SORCS3: variants seen among roughly 807,000 people sequenced by gnomAD.
SORCS3 encodes VPS10 domain-containing receptor SorCS3.
A neutral mutation model predicts 146.3 loss-of-function variants in SORCS3; 57 were observed. That is an observed-to-expected ratio of 0.39 (90% CI 0.31 to 0.49). The LOEUF is 0.49. Among genes scored for constraint, SORCS3 ranks in the 20% least tolerant of loss-of-function variants. The pLI, the probability that SORCS3 is intolerant of heterozygous loss-of-function variation, is 0.92. For synonymous variants in SORCS3, 653 were observed against 618.5 expected (o/e 1.06, Z -0.83); for missense variants, 1,341 against 1,575.5 (o/e 0.85, Z 2.52).
At chr10:105,035,728 A>G (rs954552091) in intron 4 of SORCS3, among the ~76,000 whole-genome samples, 1 of 152,142 alleles carries the variant, frequency 6.6e-6, no homozygotes, top group African/African-American at 2.4e-5. Context: ...GGTCTCCCAA[A>G]GTGTTGGGAT....
chr10:104,877,629 A>G (rs996252089), intron 2 of SORCS3, among the ~76,000 whole-genome samples: 7 of 152,194 alleles, frequency 4.6e-5, no homozygotes, highest in African/African-American at 1.4e-4. Flanking sequence ...AAATAAGGAA[A>G]GATGTATACA....
chr10:104,715,515 G>A (rs910879023), intron 1 of SORCS3, among the ~76,000 whole-genome samples: 4 of 152,084 alleles, frequency 2.6e-5, no homozygotes, highest in African/African-American at 9.7e-5. Flanking sequence ...CTCCATAATT[G>A]CGTGAGCCAA....
At chr10:105,185,438 C>A (rs1463243656) in intron 14 of SORCS3, among the ~76,000 whole-genome samples, 2 of 152,266 alleles carry the variant, frequency 1.3e-5, no homozygotes, top group Admixed American at 6.5e-5. Context: ...GCTGTTTCTG[C>A]CCCACCCCTC....
intron 5 of SORCS3, among the ~76,000 whole-genome samples, chr10:105,072,552 A>G (rs1378221248): frequency 1.3e-5 from 2 of 151,180 alleles, no homozygotes; most frequent in African/African-American, 4.9e-5. Context: ...TGCGTGTGCT[A>G]TGCATGCTCA....
At position 105,173,801 on chromosome 10, in the gene SORCS3, GGCA is replaced by G. The variant is rs1324450929; in HGVS notation, c.1902-4262_1902-4260del. ...GACCATCTTTCTGTTCTTCTCACAG[GGCA>G]GCTTTTTCATATTAGACCTTTCCTC... On this transcript the variant is annotated intron_variant, in intron 13 of 26. Transcript: ENST00000369701. Among the ~76,000 whole-genome samples, 12 of 152,102 alleles carry G rather than the reference GGCA, an allele frequency of 7.9e-5. No homozygotes were observed. In the East Asian group the frequency reaches 2.1e-3, roughly 27 times the overall value.
At chr10:104,794,438 G>A (rs1056487077) in intron 1 of SORCS3, among the ~76,000 whole-genome samples, 6 of 152,048 alleles carry the variant, frequency 3.9e-5, no homozygotes, top group Non-Finnish European at 5.9e-5. Flanking sequence ...GGAGTGCTGG[G>A]GCCCAGAGCA....
At chr10:104,646,939 A>T (rs1199101000) in intron 1 of SORCS3, among the ~76,000 whole-genome samples, 1 of 152,082 alleles carries the variant, frequency 6.6e-6, no homozygotes, top group African/African-American at 2.4e-5. Flanking sequence ...TAGTCAGTGG[A>T]GATGAGGGAG....
intron 2 of SORCS3, among the ~76,000 whole-genome samples, chr10:104,909,337 T>C (rs1042590809): frequency 6.6e-6 from 1 of 152,034 alleles, no homozygotes; most frequent in African/African-American, 2.4e-5. Flanking sequence ...TCAGATGCCG[T>C]GGTTGATAAA....
intron 4 of SORCS3, among the ~76,000 whole-genome samples, chr10:105,031,303 AAAAC>A (rs955548336): frequency 1.9e-4 from 28 of 146,012 alleles, no homozygotes; most frequent in African/African-American, 2.6e-4. Context: ...TAGTCTCAAA[AAAAC>A]AAACAAACAA....
In SORCS3 at chr10:105,217,727, CA is replaced by C. The variant is rs540400821; in HGVS notation, c.2734+608del. 274 of 443,430 alleles carry C rather than the reference CA, an allele frequency of 6.2e-4. 2 individuals carry two copies. Among genetic ancestry groups the C allele is most frequent in the South Asian group, 4.2e-3 (266 of 63,034 alleles). The allele number at this position is 443,430 out of a possible 1,614,324, so 27.5% of individuals were successfully genotyped here. A position where few individuals can be genotyped will look rare whatever the true frequency, so the allele number is the denominator to read the frequency against. On this transcript the variant is annotated intron_variant, in intron 19 of 26. Transcript: ENST00000369701. ...CATTGCTATTGGCTGTTGCTTGGCA[CA>C]AACCAAAAGAACAGTTGGTGTTCCA... is the stretch of plus-strand genomic sequence containing the variant.
At chr10:105,040,009 C>A (rs1317102451) in intron 4 of SORCS3, among the ~76,000 whole-genome samples, 1 of 152,242 alleles carries the variant, frequency 6.6e-6, no homozygotes, top group South Asian at 2.1e-4. Flanking sequence ...TGTTTGGAAT[C>A]AGGGCTGGCA....
At chr10:104,702,015 A>G (rs2133431341) in intron 1 of SORCS3, among the ~76,000 whole-genome samples, 1 of 152,220 alleles carries the variant, frequency 6.6e-6, no homozygotes, top group South Asian at 2.1e-4. Flanking sequence ...GGACTCTGCT[A>G]TTGTGTGAAA....
intron 14 of SORCS3, among the ~76,000 whole-genome samples, chr10:105,183,781 G>A (rs1446769882): frequency 1.3e-5 from 2 of 152,120 alleles, no homozygotes; most frequent in Non-Finnish European, 2.9e-5. Flanking sequence ...CTGCAGAGGG[G>A]GTATTGGATG....
chr10:105,139,742 G>A (rs550082226), intron 8 of SORCS3, among the ~76,000 whole-genome samples: 1 of 152,194 alleles, frequency 6.6e-6, no homozygotes, highest in African/African-American at 2.4e-5. Context: ...TCATTTCCCA[G>A]GGGCAGTAAT....
At position 104,842,746 on chromosome 10, in the gene SORCS3, C is replaced by T. The variant is rs755795851; in HGVS notation, c.628-46C>T. The T allele has an allele frequency of 1.2e-5, 17 of 1,469,120 alleles. 1 individual carries two copies. In the South Asian group the frequency reaches 1.5e-4, roughly 13 times the overall value. The allele number at this position is 1,469,120 out of a possible 1,614,324, so 91.0% of individuals were successfully genotyped here. A position where few individuals can be genotyped will look rare whatever the true frequency, so the allele number is the denominator to read the frequency against. ...AAACTAAAGTAAGCTTCCTTTTTTC[C>T]CTCCCTTTGTTCCTCTCCTTTGCCC... is the stretch of plus-strand genomic sequence containing the variant. On this transcript the variant is annotated intron_variant, in intron 1 of 26. Transcript: ENST00000369701.
At chr10:105,104,655 C>A (rs927893455) in intron 6 of SORCS3, among the ~76,000 whole-genome samples, 6 of 152,206 alleles carry the variant, frequency 3.9e-5, no homozygotes, top group Non-Finnish European at 8.8e-5. Context: ...CACTTGAATT[C>A]TGTCTACTTC....
chr10:105,220,270 T>C (rs889092644), intron 19 of SORCS3, among the ~76,000 whole-genome samples: 1 of 152,184 alleles, frequency 6.6e-6, no homozygotes, highest in African/African-American at 2.4e-5. Flanking sequence ...TAGGATTATT[T>C]TTAACCAAAC....
chr10:104,870,500 G>C (rs1352060145), intron 2 of SORCS3, among the ~76,000 whole-genome samples: 1 of 151,936 alleles, frequency 6.6e-6, no homozygotes, highest in Non-Finnish European at 1.5e-5. Context: ...ACCTAAAACT[G>C]CCATCCACCC....
intron 4 of SORCS3, among the ~76,000 whole-genome samples, chr10:105,039,928 G>A (rs922257131): frequency 3.3e-5 from 5 of 152,146 alleles, no homozygotes; most frequent in Admixed American, 6.5e-5. Context: ...TACCTGGCCT[G>A]TTTCAAGTGT....
Sources: gnomAD v4.1 joint callset for allele counts (sites outside exome capture counted in the v4.1 genomes callset) on GRCh38, gnomAD v4.1.1 for gene constraint, MANE v1.5 for transcripts, NCBI Gene and HGNC (gene_info 2026-07-23, HGNC 2026-07-21) for gene names.